Variants in KPNA1 observed in about 807,000 individuals in gnomAD.
KPNA1 encodes importin subunit alpha-5.
In KPNA1, 10 loss-of-function variants were observed where a neutral mutation model predicts 70.5. The observed-to-expected ratio is 0.14, with a 90% confidence interval of 0.09 to 0.24. KPNA1 has a LOEUF of 0.24. Among genes scored for constraint, KPNA1 ranks in the 10% least tolerant of loss-of-function variants. The probability of loss-of-function intolerance (pLI) is 1.00; values close to 1 mark genes in which losing one functional copy is unlikely to be tolerated. For missense variants in KPNA1, 397 were observed against 637.9 expected (o/e 0.62, Z 4.07); for synonymous variants, 192 against 221.9 (o/e 0.87, Z 1.20).
At chr3:122,496,988 G>C (rs1056196650) in intron 1 of KPNA1, among the ~76,000 whole-genome samples, 1 of 152,194 alleles carries the variant, frequency 6.6e-6, no homozygotes, top group African/African-American at 2.4e-5. Context: ...TCAGGCGTGA[G>C]CCACTTCACC....
At chr3:122,450,646 C>G (rs1295760591) in intron 8 of KPNA1, among the ~76,000 whole-genome samples, 1 of 152,140 alleles carries the variant, frequency 6.6e-6, no homozygotes, top group African/African-American at 2.4e-5. Flanking sequence ...CACTTTTACA[C>G]TGTTGCTGGG....
rs2075781928 is a variant in KPNA1, at chr3:122,423,352, T to C, written c.*3633A>G. ...TTCCATGTATATAGGCATACCTGTG[T>C]CTGCAAATGAGCACATTTTGGAACG... On this transcript the variant is annotated 3_prime_UTR_variant, in exon 14 of 14. Transcript: ENST00000344337. 6.6e-6 allele frequency: 1 copy of C among 152,224 alleles called. No homozygotes were observed. Among genetic ancestry groups the C allele is most frequent in the Admixed American group, 6.5e-5 (1 of 15,280 alleles). The allele number at this position is 152,224 out of a possible 1,614,324, so 9.4% of individuals were successfully genotyped here. A position where few individuals can be genotyped will look rare whatever the true frequency, so the allele number is the denominator to read the frequency against.
chr3:122,443,080 A>G (rs976645033), intron 9 of KPNA1: 3 of 152,248 alleles, frequency 2.0e-5, no homozygotes, highest in African/African-American at 7.2e-5. Flanking sequence ...TGTACATGGA[A>G]AATCAGTACA....
chr3:122,448,262 G>A (rs763902093), intron 9 of KPNA1, among the ~76,000 whole-genome samples: 10 of 152,114 alleles, frequency 6.6e-5, no homozygotes, highest in Non-Finnish European at 1.5e-4. Context: ...TATACCCAGA[G>A]GATTATAAAT....
intron 5 of KPNA1, chr3:122,459,399 GA>G: frequency 9.1e-6 from 9 of 984,766 alleles, no homozygotes; most frequent in Non-Finnish European, 1.1e-5. Context: ...AGACAGGAAA[GA>G]AACACTTTTT....
At chr3:122,504,123 A>G (rs181239520) in intron 1 of KPNA1, among the ~76,000 whole-genome samples, 27 of 152,342 alleles carry the variant, frequency 1.8e-4, no homozygotes, top group African/African-American at 4.6e-4. Flanking sequence ...TGATGTGCCA[A>G]TGTTGGTTCA....
Position 122,422,732 on chromosome 3 carries a change from G to A in KPNA1, c.*4253C>T, listed in dbSNP as rs1197373474. On this transcript the variant is annotated 3_prime_UTR_variant, in exon 14 of 14. Coordinates refer to ENST00000344337, the MANE Select transcript of KPNA1 (RefSeq NM_002264.4). ...TCTTCACTTTGTCATCTATAATATAGTGACAATTATCAAAGAACATTTGGA... is the reference window on the plus strand; with the variant it reads ...TCTTCACTTTGTCATCTATAATATAATGACAATTATCAAAGAACATTTGGA... 1 of 152,172 alleles carries A rather than the reference G, an allele frequency of 6.6e-6. No homozygotes were observed. The highest frequency in any genetic ancestry group is 1.5e-5 in the Non-Finnish European group (1 of 68,034). The allele number at this position is 152,172 out of a possible 1,614,324, so 9.4% of individuals were successfully genotyped here.
At chr3:122,465,094 C>T (rs1049524574) in intron 3 of KPNA1, among the ~76,000 whole-genome samples, 1 of 152,154 alleles carries the variant, frequency 6.6e-6, no homozygotes, top group Non-Finnish European at 1.5e-5. Context: ...GCTGTACTGA[C>T]TTTACATTAC....
intron 1 of KPNA1, among the ~76,000 whole-genome samples, chr3:122,501,462 T>C (rs927090597): frequency 7.2e-5 from 11 of 152,254 alleles, no homozygotes; most frequent in Non-Finnish European, 1.5e-4. Context: ...TTTTGATTTC[T>C]TCATGGACCC....
At position 122,426,785 on chromosome 3, in the gene KPNA1, A is replaced by G. The variant is rs1036327556; in HGVS notation, c.*200T>C. 9 of 478,422 alleles carry G rather than the reference A, an allele frequency of 1.9e-5. No individual in the cohort carries two copies. The highest frequency in any genetic ancestry group is 3.3e-5 in the Non-Finnish European group (9 of 270,430). The allele number at this position is 478,422 out of a possible 1,614,324, so 29.6% of individuals were successfully genotyped here. A position where few individuals can be genotyped will look rare whatever the true frequency, so the allele number is the denominator to read the frequency against. On this transcript the variant is annotated 3_prime_UTR_variant, in exon 14 of 14. Transcript: ENST00000344337. ...AGTGGGCCGTTCTGGTTACCCTTTT[A>G]TTAGAAGGGTATTCCACCACAGAGA...
intron 9 of KPNA1, among the ~76,000 whole-genome samples, chr3:122,445,419 T>G (rs2107731137): frequency 6.6e-6 from 1 of 152,258 alleles, no homozygotes; most frequent in Middle Eastern, 3.4e-3. Context: ...CCAGCCAAAC[T>G]AAGCTTCATA....
At chr3:122,496,619 T>A (rs1576342494) in intron 1 of KPNA1, 49 bp from the exon 2 acceptor site, 1 of 1,563,486 alleles carries the variant, frequency 6.4e-7, no homozygotes, top group Non-Finnish European at 8.8e-7. Context: ...TGAAGAGCTC[T>A]GTTATTCTAA....
intron 2 of KPNA1, among the ~76,000 whole-genome samples, chr3:122,490,935 A>G (rs1283388162): frequency 6.6e-6 from 1 of 152,192 alleles, no homozygotes; most frequent in African/African-American, 2.4e-5. Context: ...ACAAATGTAT[A>G]TATAGTTTCA....
intron 3 of KPNA1, among the ~76,000 whole-genome samples, chr3:122,465,645 T>G (rs775512312): frequency 2.8e-4 from 42 of 152,326 alleles, no homozygotes; most frequent in Non-Finnish European, 5.4e-4. Flanking sequence ...CTCACGCCTG[T>G]AATCCCAACA....
At chr3:122,512,410 C>T (rs747960558) in intron 1 of KPNA1, among the ~76,000 whole-genome samples, 2 of 152,168 alleles carry the variant, frequency 1.3e-5, no homozygotes, top group Non-Finnish European at 2.9e-5. Context: ...GAAACTTCTA[C>T]GAGAACCACT....
Position 122,426,026 on chromosome 3 carries a change from G to A in KPNA1, c.*959C>T, listed in dbSNP as rs16833133. 0.026 allele frequency: 3,979 copies of A among 152,586 alleles called. 60 individuals are homozygous for A. The highest frequency in any genetic ancestry group is 0.058 in the East Asian group (302 of 5,176). 9.5% of individuals were successfully genotyped at this position (152,586 alleles called of 1,614,324 possible). A position where few individuals can be genotyped will look rare whatever the true frequency, so the allele number is the denominator to read the frequency against. The stretch of plus-strand genomic sequence containing the variant: ...TGAGGACCTTGATCAGGACCACAAA[G>A]CCTGAAACATTTATTTTAATGCAGA... On this transcript the variant is annotated 3_prime_UTR_variant, in exon 14 of 14. Coordinates refer to ENST00000344337, the MANE Select transcript of KPNA1 (RefSeq NM_002264.4).
Position 122,460,634 on chromosome 3 carries a change from CT to C in KPNA1, c.432+589del. ...CATGGGCGACAGAGCAAGACTCTGT[CT>C]CAAGAAAAAGAAGAAAAAAAAAAAA... On this transcript the variant is annotated intron_variant, in intron 5 of 13. Transcript: ENST00000344337. 4 of 602,734 alleles carry C rather than the reference CT, an allele frequency of 6.6e-6. No individual in the cohort carries two copies. The South Asian group carries it at 2.9e-4, about 44-fold the overall frequency. The allele number at this position is 602,734 out of a possible 1,614,324, so 37.3% of individuals were successfully genotyped here. A position where few individuals can be genotyped will look rare whatever the true frequency, so the allele number is the denominator to read the frequency against.
At chr3:122,445,898 A>G (rs1196085352) in intron 9 of KPNA1, among the ~76,000 whole-genome samples, 2 of 152,194 alleles carry the variant, frequency 1.3e-5, no homozygotes, top group African/African-American at 2.4e-5. Context: ...CAAACTTTAA[A>G]CCAACAAAGA....
intron 2 of KPNA1, among the ~76,000 whole-genome samples, chr3:122,478,804 G>C (rs536888406): frequency 2.2e-5 from 3 of 136,300 alleles, no homozygotes; most frequent in Admixed American, 8.3e-5. Flanking sequence ...TGAGGCAGGA[G>C]AATCGCTTGA....
Sources: allele counts gnomAD v4.1 joint callset (sites outside exome capture counted in the v4.1 genomes callset), GRCh38; gene constraint gnomAD v4.1.1; transcripts MANE v1.5; gene names NCBI Gene and HGNC (gene_info 2026-07-23, HGNC 2026-07-21).